MAP3K9: variants seen among roughly 807,000 people sequenced by gnomAD.
MAP3K9 encodes the protein mitogen-activated protein kinase kinase kinase 9.
A neutral mutation model predicts 95.8 loss-of-function variants in MAP3K9; 46 were observed. The ratio of observed to expected loss-of-function variants is 0.48; its 90% confidence interval spans 0.38 to 0.61. The LOEUF (loss-of-function observed/expected upper bound fraction) is 0.61. MAP3K9 is among the 20% of genes least tolerant of loss of function. The pLI is 0.00. For missense variants in MAP3K9, 1,296 were observed against 1,474.3 expected (o/e 0.88, Z 1.98); for synonymous variants, 533 against 593.8 (o/e 0.90, Z 1.49).
At chr14:70,808,444 G>GT (rs922000814) in intron 1 of MAP3K9, among the ~76,000 whole-genome samples, 1 of 151,672 alleles carries the variant, frequency 6.6e-6, no homozygotes, top group Non-Finnish European at 1.5e-5. Flanking sequence ...GGCGGCGGGG[G>GT]GGTGGGTAAG....
intron 2 of MAP3K9, among the ~76,000 whole-genome samples, chr14:70,796,018 G>A (rs2054860675): frequency 6.6e-6 from 1 of 151,982 alleles, no homozygotes; most frequent in Admixed American, 6.6e-5. Context: ...GCCTCCCAAA[G>A]TGCTGGGATT....
In MAP3K9 at chr14:70,761,077, G is replaced by A. The variant is rs370660341; in HGVS notation, c.926C>T (p.Ala309Val). The A allele has an allele frequency of 8.7e-5, 140 of 1,614,028 alleles. 1 individual carries two copies. In the South Asian group the frequency reaches 1.4e-3, roughly 16 times the overall value. Residue 309 changes from alanine to valine, a missense_variant, in exon 3 of 12, where the codon GCG (alanine) becomes GTG (valine). Transcript: ENST00000554752. ...REWHRTTKMSAAGTYAWMAPE... is the reference protein window; with the variant it reads ...REWHRTTKMSVAGTYAWMAPE... ...TGCCATCCAAGCATACGTCCCTGCC[G>A]CACTCATCTTGGTGGTTCGGTGCCA...
rs1430390393 is a variant in MAP3K9 at position 70,728,769 on chromosome 14, A to G, written c.*1611T>C. On this transcript the variant is annotated 3_prime_UTR_variant, in exon 12 of 12. Transcript: ENST00000554752. The stretch of plus-strand genomic sequence containing the variant: ...AGTTATAGAGAAAGAGCAGTGACCA[A>G]TTCATCACTGTTGCCAGCTGCACAT... 6.6e-6 allele frequency: 1 copy of G among 152,250 alleles called. No individual in the cohort carries two copies. The highest frequency in any genetic ancestry group is 1.5e-5 in the Non-Finnish European group (1 of 68,084). 9.4% of individuals were successfully genotyped at this position (152,250 alleles called of 1,614,324 possible).
chr14:70,740,252 G>T, intron 6 of MAP3K9, 88 bp from the exon 7 acceptor site: 1 of 1,406,564 alleles, frequency 7.1e-7, no homozygotes, highest in Non-Finnish European at 9.7e-7. Context: ...CAGCATCCTT[G>T]AGGGACAGGC....
chr14:70,746,246 AT>A (rs2054144916), intron 5 of MAP3K9, among the ~76,000 whole-genome samples: 1 of 152,228 alleles, frequency 6.6e-6, no homozygotes, highest in Non-Finnish European at 1.5e-5. Context: ...ACACCAATGC[AT>A]TCTCACAATA....
At chr14:70,796,106 G>A (rs971521498) in intron 2 of MAP3K9, among the ~76,000 whole-genome samples, 4 of 151,650 alleles carry the variant, frequency 2.6e-5, no homozygotes, top group East Asian at 3.9e-4. Context: ...GCCCAATGCC[G>A]TTACACCAAG....
At chr14:70,747,371 T>C (rs2054162012) in intron 5 of MAP3K9, among the ~76,000 whole-genome samples, 1 of 152,186 alleles carries the variant, frequency 6.6e-6, no homozygotes, top group African/African-American at 2.4e-5. Flanking sequence ...TTATTTCTTC[T>C]TCCTGCCACC....
intron 10 of MAP3K9, among the ~76,000 whole-genome samples, chr14:70,733,999 T>C (rs552843971): frequency 4.5e-4 from 68 of 152,318 alleles, no homozygotes; most frequent in African/African-American, 1.6e-3. Flanking sequence ...GCACTGCTGG[T>C]TTCCCTGGTG....
At chr14:70,740,741 A>G (rs1389635807) in intron 6 of MAP3K9, among the ~76,000 whole-genome samples, 1 of 152,238 alleles carries the variant, frequency 6.6e-6, no homozygotes, top group Non-Finnish European at 1.5e-5. Flanking sequence ...TGAATTTCTG[A>G]GTTTCAGTCT....
Position 70,748,964 on chromosome 14 carries a change from C to T in MAP3K9, c.1191G>A (p.Thr397=), listed in dbSNP as rs777559875. The T allele has an allele frequency of 4.3e-6, 7 of 1,613,892 alleles. No homozygotes were observed. Among genetic ancestry groups the T allele is most frequent in the Non-Finnish European group, 5.1e-6 (6 of 1,179,944 alleles). ...NPDPHSRPSF[T]NILDQLTTIE... ...TGGTGGTTAGCTGGTCCAGGATATT[C>T]GTGAAAGATGGTCGTGAGTGGGGAT... Residue 397 remains threonine, a synonymous_variant, in exon 5 of 12, where the codon ACG becomes ACA. Transcript: ENST00000554752.
intron 2 of MAP3K9, among the ~76,000 whole-genome samples, chr14:70,794,990 C>CTTTTTTTTGTTTT (rs2054847476): frequency 1.3e-5 from 1 of 76,800 alleles, no homozygotes; most frequent in Non-Finnish European, 2.4e-5. Context: ...TTTTCTTTTC[C>CTTTTTTTTGTTTT]TTTTTTTTTT....
At chr14:70,755,142 G>A (rs1392746466) in intron 3 of MAP3K9, among the ~76,000 whole-genome samples, 1 of 152,194 alleles carries the variant, frequency 6.6e-6, no homozygotes, top group Non-Finnish European at 1.5e-5. Context: ...TGAGGTGTGG[G>A]GCACTCAGAC....
At chr14:70,799,489 G>A (rs999958554) in intron 2 of MAP3K9, among the ~76,000 whole-genome samples, 10 of 151,996 alleles carry the variant, frequency 6.6e-5, no homozygotes, top group Admixed American at 2.6e-4. Flanking sequence ...ACAGGCTCCC[G>A]CCACCATGTC....
intron 1 of MAP3K9, among the ~76,000 whole-genome samples, chr14:70,807,300 G>A (rs1264914248): frequency 6.6e-6 from 1 of 152,204 alleles, no homozygotes; most frequent in Non-Finnish European, 1.5e-5. Context: ...AGACCAGTTT[G>A]GCCAATATGG....
chr14:70,737,611 A>G (rs969245993), intron 8 of MAP3K9, among the ~76,000 whole-genome samples: 4 of 152,174 alleles, frequency 2.6e-5, no homozygotes, highest in African/African-American at 9.7e-5. Flanking sequence ...ATCTGAAAAT[A>G]GTTCTAGCGG....
rs1001303897 is a variant in MAP3K9, at chr14:70,728,817, C to T, written c.*1563G>A. Reference sequence around the variant, plus strand: ...CATCCAGGCAGCAAATGCAAGGAACCTGCTGAGTGACCTCCAAGACAAAAG... The same window carrying T: ...CATCCAGGCAGCAAATGCAAGGAACTTGCTGAGTGACCTCCAAGACAAAAG... On this transcript the variant is annotated 3_prime_UTR_variant, in exon 12 of 12. Transcript: ENST00000554752. The T allele has an allele frequency of 1.3e-5, 2 of 152,210 alleles. No homozygotes were observed. Among genetic ancestry groups the T allele is most frequent in the African/African-American group, 4.8e-5 (2 of 41,434 alleles). 9.4% of individuals were successfully genotyped at this position (152,210 alleles called of 1,614,324 possible).
chr14:70,750,520 G>A (rs941872713), intron 3 of MAP3K9, among the ~76,000 whole-genome samples: 3 of 151,948 alleles, frequency 2.0e-5, no homozygotes, highest in East Asian at 1.9e-4. Context: ...AGTTTCGCTC[G>A]GTTGCTCAGG....
intron 2 of MAP3K9, among the ~76,000 whole-genome samples, chr14:70,761,649 C>CA (rs2054376960): frequency 6.6e-6 from 1 of 152,146 alleles, no homozygotes; most frequent in Admixed American, 6.5e-5. Context: ...CAGTGACTCT[C>CA]AATAATCATG....
At chr14:70,767,604 T>G (rs2139797489) in intron 2 of MAP3K9, among the ~76,000 whole-genome samples, 1 of 152,132 alleles carries the variant, frequency 6.6e-6, no homozygotes, top group East Asian at 1.9e-4. Flanking sequence ...CCAGGTCGGG[T>G]AGGGGACACA....
Sources: allele counts gnomAD v4.1 joint callset (sites outside exome capture counted in the v4.1 genomes callset), GRCh38; gene constraint gnomAD v4.1.1; transcripts MANE v1.5; gene names NCBI Gene and HGNC (gene_info 2026-07-23, HGNC 2026-07-21).